Variants in RNF114 observed in about 807,000 individuals in gnomAD.
The protein encoded by RNF114 is ring finger protein 114, also known as E3 ubiquitin-protein ligase RNF114.
RNF114 carries 6 observed loss-of-function variants against 28.4 expected under a neutral mutation model. The ratio of observed to expected loss-of-function variants is 0.21; its 90% CI spans 0.12 to 0.42. RNF114 has a LOEUF of 0.42. Ranked by LOEUF, RNF114 falls within the 10% of genes least tolerant of loss-of-function variation. RNF114 has a pLI of 1.00. For synonymous variants in RNF114, 115 were observed against 116.7 expected, an observed-to-expected ratio of 0.99 and a Z score of 0.09; for missense variants, 249 against 311.7, an observed-to-expected ratio of 0.80 and a Z score of 1.51.
chr20:49,949,207 T>G (rs763848788), intron 4 of RNF114, 41 bp from the exon 5 acceptor site: 1 of 1,554,950 alleles, frequency 6.4e-7, no homozygotes, highest in Non-Finnish European at 8.9e-7. Context: ...TGGTGCAAGC[T>G]TGGAAATTGG....
At chr20:49,946,682 T>G (rs955663508) in intron 4 of RNF114, among the ~76,000 whole-genome samples, 1 of 152,074 alleles carries the variant, frequency 6.6e-6, no homozygotes, top group African/African-American at 2.4e-5. Context: ...GCAGGGATGG[T>G]ACACGAGTTC....
chr20:49,947,854 C>T (rs886940036), intron 4 of RNF114, among the ~76,000 whole-genome samples: 2 of 132,938 alleles, frequency 1.5e-5, no homozygotes, highest in Non-Finnish European at 3.1e-5. Context: ...TGCAGTGGCG[C>T]GATCTCGACT....
intron 5 of RNF114, among the ~76,000 whole-genome samples, chr20:49,951,420 A>G (rs1057075088): frequency 6.6e-6 from 1 of 152,084 alleles, no homozygotes; most frequent in Non-Finnish European, 1.5e-5. Flanking sequence ...TGTACTGTGC[A>G]CTGATTCCAC....
At chr20:49,938,544 A>G (rs1396980663) in intron 1 of RNF114, among the ~76,000 whole-genome samples, 2 of 152,206 alleles carry the variant, frequency 1.3e-5, no homozygotes, top group Non-Finnish European at 2.9e-5. Context: ...TCAAGCCCTG[A>G]ATGACTGTGT....
intron 5 of RNF114, among the ~76,000 whole-genome samples, chr20:49,951,651 G>T (rs758731663): frequency 1.3e-5 from 2 of 152,164 alleles, no homozygotes; most frequent in Non-Finnish European, 2.9e-5. Context: ...AGGCCAAGGC[G>T]GGTGGATCAC....
chr20:49,950,958 C>T (rs896311172), intron 5 of RNF114, among the ~76,000 whole-genome samples: 2 of 152,130 alleles, frequency 1.3e-5, no homozygotes, highest in African/African-American at 2.4e-5. Flanking sequence ...TACTTCAGGT[C>T]AAATAGCATA....
chr20:49,936,603 T>TGGAGCCGA, intron 1 of RNF114, 51 bp downstream of exon 1: 4 of 1,560,574 alleles, frequency 2.6e-6, no homozygotes, highest in Non-Finnish European at 3.5e-6. Flanking sequence ...GGGAAGGGAA[T>TGGAGCCGA]GGAGCCGAGG....
intron 5 of RNF114, among the ~76,000 whole-genome samples, chr20:49,950,396 C>T (rs1034207270): frequency 6.6e-6 from 1 of 151,624 alleles, no homozygotes; most frequent in African/African-American, 2.4e-5. Context: ...GGTTTGGGGA[C>T]AGGTGCGGTG....
intron 2 of RNF114, among the ~76,000 whole-genome samples, chr20:49,943,617 C>T (rs12479474): frequency 0.016 from 2,386 of 144,874 alleles, 143 homozygotes; most frequent in East Asian, 0.11. Flanking sequence ...CTTTTAGAAA[C>T]TCAAAATATT....
In RNF114 at chr20:49,940,790, G is replaced by A. The variant is rs570060200; in HGVS notation, c.141-771G>A. Among the ~76,000 whole-genome samples, 12 of 150,618 alleles carry A rather than the reference G, an allele frequency of 8.0e-5. No homozygotes were observed. In the East Asian group the frequency reaches 1.6e-3, roughly 20 times the overall value. ...TCCACCCCCCCCTTGAGACAGAGTC[G>A]CACTCTGTTGCCCAGGCTGGAGTGT... is the stretch of plus-strand genomic sequence containing the variant. On this transcript the variant is annotated intron_variant, in intron 1 of 5. Transcript: ENST00000244061.
chr20:49,936,451 G>C lies in RNF114; in HGVS notation c.39G>C (p.Gln13His). 6.5e-7 allele frequency: 1 copy of C among 1,549,026 alleles called. No individual in the cohort carries two copies. The highest frequency in any genetic ancestry group is 8.7e-7 in the Non-Finnish European group (1 of 1,148,364). Residue 13 changes from glutamine (Q) to histidine (H), a missense_variant, in exon 1 of 6, where the codon CAG becomes CAC. Coordinates refer to ENST00000244061, the MANE Select transcript of RNF114 (RefSeq NM_018683.4). ...AQQRDCGGAAQLAGPAAEADP... is the reference protein window; with the variant it reads ...AQQRDCGGAAHLAGPAAEADP... ...AGCGGGACTGCGGGGGTGCTGCGCA[G>C]CTGGCGGGGCCGGCGGCGGAGGCTG...
chr20:49,940,886 C>T (rs2090305117), intron 1 of RNF114, among the ~76,000 whole-genome samples: 1 of 152,134 alleles, frequency 6.6e-6, no homozygotes, highest in Non-Finnish European at 1.5e-5. Context: ...GGATTACAGG[C>T]ATCTGCCACC....
In RNF114 at chr20:49,949,268, G is replaced by A. The variant is rs751705748; in HGVS notation, c.534G>A (p.Ser178=). Residue 178 remains serine (S), a synonymous_variant, in exon 5 of 6, where the codon TCG becomes TCA. Coordinates refer to ENST00000244061, the MANE Select transcript of RNF114 (RefSeq NM_018683.4). Reference sequence around the variant, plus strand: ...GAAAGGTTTGTCCGATATGTGCCTCGATGCCCTGGGGAGACCCCAACTACC... The same window carrying A: ...GAAAGGTTTGTCCGATATGTGCCTCAATGCCCTGGGGAGACCCCAACTACC... ...TKSVVCPICA[S]MPWGDPNYRS... 3 of 1,614,146 alleles carry A rather than the reference G, an allele frequency of 1.9e-6. No homozygotes were observed. Among genetic ancestry groups the A allele is most frequent in the Admixed American group, 1.7e-5 (1 of 60,022 alleles).
At chr20:49,945,717 G>A (rs998817491) in intron 3 of RNF114, among the ~76,000 whole-genome samples, 2 of 152,190 alleles carry the variant, frequency 1.3e-5, no homozygotes, top group Admixed American at 6.5e-5. Context: ...CCAGGCTGGT[G>A]TGCAGTGGTG....
intron 5 of RNF114, 133 bp from the exon 6 acceptor site, chr20:49,951,943 A>T: frequency 3.1e-6 from 2 of 644,942 alleles, no homozygotes; most frequent in Non-Finnish European, 5.8e-6. Context: ...TAGCATCACA[A>T]ACAGTTGCAC....
chr20:49,953,266 A>G lies in RNF114; in HGVS notation c.*1125A>G, dbSNP rs1382747138. 6.6e-6 allele frequency: 1 copy of G among 152,196 alleles called. No homozygotes were observed. The highest frequency in any genetic ancestry group is 1.5e-5 in the Non-Finnish European group (1 of 68,034). The allele number at this position is 152,196 out of a possible 1,614,324, so 9.4% of individuals were successfully genotyped here. On this transcript the variant is annotated 3_prime_UTR_variant, in exon 6 of 6. Transcript: ENST00000244061. The stretch of plus-strand genomic sequence containing the variant: ...ATAAGGCACAGCACATCGCAAGATG[A>G]ACAGTTGTTAATAAAAGCTGTTGCT...
intron 3 of RNF114, among the ~76,000 whole-genome samples, chr20:49,945,887 A>G: frequency 6.6e-6 from 1 of 152,258 alleles, no homozygotes. Flanking sequence ...GCTGGTCTTG[A>G]ACTCCTGATC....
intron 4 of RNF114, among the ~76,000 whole-genome samples, chr20:49,948,001 A>G (rs2090340997): frequency 6.6e-6 from 1 of 151,688 alleles, no homozygotes; most frequent in South Asian, 2.1e-4. Flanking sequence ...CGTGTTAGCC[A>G]GGATGGTCTC....
chr20:49,945,262 T>C (rs2090325300), intron 2 of RNF114, 120 bp from the exon 3 acceptor site: 1 of 635,604 alleles, frequency 1.6e-6, no homozygotes, highest in South Asian at 1.9e-5. Context: ...GTCAGGAGTT[T>C]GGTGAGATTA....
Sources: gnomAD v4.1 joint callset for allele counts (sites outside exome capture counted in the v4.1 genomes callset) on GRCh38, gnomAD v4.1.1 for gene constraint, MANE v1.5 for transcripts, NCBI Gene and HGNC (gene_info 2026-07-23, HGNC 2026-07-21) for gene names.